SAMD5: variants seen among roughly 807,000 people sequenced by gnomAD.
The protein encoded by SAMD5 is sterile alpha motif domain containing 5.
In SAMD5, 13 loss-of-function variants were observed where a neutral mutation model predicts 11.3. That is an observed-to-expected ratio of 1.15 (90% confidence interval 0.75 to 1.83). The LOEUF is 1.83. SAMD5 is among the 40% of genes most tolerant of loss of function. The pLI, the probability that SAMD5 is intolerant of heterozygous loss-of-function variation, is 0.00. For synonymous variants in SAMD5, 129 were observed against 111.3 expected (o/e 1.16, Z -1.00); for missense variants, 255 against 239.1 (o/e 1.07, Z -0.44).
chr6:147,657,049 T>C (rs1790581721), intron 1 of SAMD5, among the ~76,000 whole-genome samples: 1 of 152,154 alleles, frequency 6.6e-6, no homozygotes, highest in African/African-American at 2.4e-5. Context: ...TTATACGCAC[T>C]GTGTATTAGG....
At chr6:147,949,157 C>T in the SAMD5 span, among the ~76,000 whole-genome samples, 1 of 152,136 alleles carries the variant, frequency 6.6e-6, no homozygotes, top group Admixed American at 6.5e-5. Context: ...AAAGTTAGCC[C>T]GTGCTGAGAG....
downstream of SAMD5, among the ~76,000 whole-genome samples, chr6:147,573,984 C>T (rs1173463957): frequency 2.0e-5 from 3 of 152,026 alleles, no homozygotes. Context: ...CAAAATTAGC[C>T]GGGCGTGGTG....
Position 147,509,207 on chromosome 6 carries a change from C to T in SAMD5, c.279C>T (p.Gly93=), listed in dbSNP as rs1788043047. Residue 93 remains glycine (G), a synonymous_variant, in exon 1 of 2, where the codon GGC becomes GGT. Coordinates refer to ENST00000367474, the MANE Select transcript of SAMD5 (RefSeq NM_001030060.3). ...PGPPADAVPT[G]RRGEPCGGPA... Reference sequence around the variant, plus strand: ...CGCCCGCCGACGCCGTCCCCACCGGCCGCCGGGGGGAGCCGTGCGGCGGCC... The same window carrying T: ...CGCCCGCCGACGCCGTCCCCACCGGTCGCCGGGGGGAGCCGTGCGGCGGCC... 2.3e-6 allele frequency: 3 copies of T among 1,306,658 alleles called. No homozygotes were observed. Among genetic ancestry groups the T allele is most frequent in the Non-Finnish European group, 1.9e-6 (2 of 1,028,558 alleles). The allele number at this position is 1,306,658 out of a possible 1,614,324, so 80.9% of individuals were successfully genotyped here.
the SAMD5 span, among the ~76,000 whole-genome samples, chr6:147,764,427 A>G: frequency 4.6e-5 from 7 of 152,216 alleles, no homozygotes; most frequent in Admixed American, 4.6e-4. Context: ...ATCATTTTGC[A>G]CCTGAAATGC....
intron 1 of SAMD5, among the ~76,000 whole-genome samples, chr6:147,677,645 G>A (rs1441743286): frequency 6.6e-6 from 1 of 152,066 alleles, no homozygotes; most frequent in Non-Finnish European, 1.5e-5. Context: ...AAGAGCTCTG[G>A]GCCAAGCTCA....
chr6:147,733,371 T>C (rs1355422030), intron 1 of SAMD5, among the ~76,000 whole-genome samples: 1 of 152,236 alleles, frequency 6.6e-6, no homozygotes, highest in Non-Finnish European at 1.5e-5. Flanking sequence ...TTCTTTTACC[T>C]TTTTCTTTCC....
At chr6:147,547,691 G>A (rs1788707971) in intron 1 of SAMD5, among the ~76,000 whole-genome samples, 1 of 152,156 alleles carries the variant, frequency 6.6e-6, no homozygotes, top group Admixed American at 6.5e-5. Context: ...TAAGCTCATC[G>A]TGGGAGCGCC....
the SAMD5 span, among the ~76,000 whole-genome samples, chr6:147,899,507 C>A: frequency 6.6e-6 from 1 of 152,170 alleles, no homozygotes; most frequent in Admixed American, 6.5e-5. Flanking sequence ...TTGTCTACTT[C>A]TATGGAAAAA....
intron 1 of SAMD5, among the ~76,000 whole-genome samples, chr6:147,685,953 CA>C (rs1274255740): frequency 6.6e-6 from 1 of 152,160 alleles, no homozygotes; most frequent in Non-Finnish European, 1.5e-5. Context: ...AAGATACCAG[CA>C]AAGTTTTTGT....
At chr6:147,808,131 C>A in the SAMD5 span, among the ~76,000 whole-genome samples, 1 of 152,214 alleles carries the variant, frequency 6.6e-6, no homozygotes, top group Non-Finnish European at 1.5e-5. Context: ...TGGTCAGTTC[C>A]ATGAAAGGCA....
chr6:147,592,311 A>G (rs1479430288), intron 1 of SAMD5, among the ~76,000 whole-genome samples: 2 of 152,058 alleles, frequency 1.3e-5, no homozygotes, highest in Non-Finnish European at 2.9e-5. Flanking sequence ...GTGGCTGCAG[A>G]AGGTTTCTCT....
At chr6:147,856,952 T>C in the SAMD5 span, among the ~76,000 whole-genome samples, 1 of 151,762 alleles carries the variant, frequency 6.6e-6, no homozygotes, top group East Asian at 1.9e-4. Context: ...TTAGCTTCCC[T>C]TTTCCATTGA....
At chr6:147,563,969 C>T (rs1333966455) in intron 1 of SAMD5, among the ~76,000 whole-genome samples, 1 of 152,172 alleles carries the variant, frequency 6.6e-6, no homozygotes, top group Non-Finnish European at 1.5e-5. Context: ...AGTGCTCTTC[C>T]AGCATGAGAT....
chr6:147,876,391 T>G, the SAMD5 span, among the ~76,000 whole-genome samples: 1,068 of 152,292 alleles, frequency 7.0e-3, 14 homozygotes, highest in African/African-American at 0.025. Flanking sequence ...AAGCACTTAC[T>G]AAAAATGGTG....
At chr6:147,721,793 AAG>A (rs1472739534) in intron 1 of SAMD5, among the ~76,000 whole-genome samples, 1 of 152,162 alleles carries the variant, frequency 6.6e-6, no homozygotes, top group Non-Finnish European at 1.5e-5. Context: ...ATTGTGTTGA[AAG>A]TTTTATACAA....
intron 1 of SAMD5, among the ~76,000 whole-genome samples, chr6:147,613,662 G>A (rs1359424307): frequency 6.6e-6 from 1 of 151,856 alleles, no homozygotes; most frequent in Non-Finnish European, 1.5e-5. Flanking sequence ...GACATATAAG[G>A]CAGAGAAAAC....
At chr6:147,622,642 G>T (rs772667627) in intron 1 of SAMD5, among the ~76,000 whole-genome samples, 2 of 152,168 alleles carry the variant, frequency 1.3e-5, no homozygotes, top group African/African-American at 2.4e-5. Flanking sequence ...TGGTGAAAAT[G>T]GGCTTTCTCC....
chr6:147,936,100 GTAGTTT>G, the SAMD5 span, among the ~76,000 whole-genome samples: 2 of 152,126 alleles, frequency 1.3e-5, no homozygotes, highest in African/African-American at 4.8e-5. Flanking sequence ...ACAGTCACGA[GTAGTTT>G]CTCGATACAG....
chr6:147,787,507 TA>T, the SAMD5 span, among the ~76,000 whole-genome samples: 164 of 152,144 alleles, frequency 1.1e-3, 1 homozygote, highest in Middle Eastern at 0.017. Flanking sequence ...AATAGAGCCC[TA>T]AAAAAAATCC....
Sources: allele counts gnomAD v4.1 joint callset (sites outside exome capture counted in the v4.1 genomes callset), GRCh38; gene constraint gnomAD v4.1.1; transcripts MANE v1.5; gene names NCBI Gene and HGNC (gene_info 2026-07-23, HGNC 2026-07-21).